PCDHA1: variants seen among roughly 807,000 people sequenced by gnomAD.
PCDHA1 encodes protocadherin alpha-1.
In PCDHA1, 42 loss-of-function variants were observed where a neutral mutation model predicts 61.3. The observed-to-expected ratio is 0.69, with a 90% CI of 0.54 to 0.89. PCDHA1 has a LOEUF of 0.89. PCDHA1 is among the 40% of genes least tolerant of loss of function. PCDHA1 has a pLI of 0.00. For synonymous variants in PCDHA1, 610 were observed against 553.8 expected (o/e 1.10, Z -1.43); for missense variants, 1,256 against 1,235.3 (o/e 1.02, Z -0.25).
intron 1 of PCDHA1, chr5:140,883,386 G>C (rs1554177993): frequency 6.2e-7 from 1 of 1,614,138 alleles, no homozygotes; most frequent in South Asian, 1.1e-5. Context: ...GCCCTAATCA[G>C]TGTGTCCGAT....
At chr5:140,802,205 T>G (rs1167660688) in intron 1 of PCDHA1, 1 of 1,614,222 alleles carries the variant, frequency 6.2e-7, no homozygotes, top group Admixed American at 1.7e-5. Flanking sequence ...ACTGCACAGT[T>G]CTACTCGAAA....
At chr5:140,883,511 C>A in intron 1 of PCDHA1, 2 of 1,614,186 alleles carry the variant, frequency 1.2e-6, no homozygotes, top group Middle Eastern at 1.7e-4. Context: ...CGCCCTGGAC[C>A]GCGAGAGCGT....
chr5:140,815,832 G>A (rs1406365317), intron 1 of PCDHA1: 1 of 152,124 alleles, frequency 6.6e-6, no homozygotes, highest in Non-Finnish European at 1.5e-5. Flanking sequence ...CATTTTTGAA[G>A]ACAAACTTTG....
Position 140,842,580 on chromosome 5 carries a change from C to G in PCDHA1, c.2394+53896C>G. ...GCCCTGGACCGCGAGAGAGTGTCGG[C>G]CTATGAGTTGGTGGTAACCGCGCGG... On this transcript the variant is annotated intron_variant, in intron 1 of 3. Coordinates refer to ENST00000504120, the MANE Select transcript of PCDHA1 (RefSeq NM_018900.4). 1 of 1,517,750 alleles carries G rather than the reference C, an allele frequency of 6.6e-7. No homozygotes were observed. The highest frequency in any genetic ancestry group is 9.0e-7 in the Non-Finnish European group (1 of 1,116,480). The allele number at this position is 1,517,750 out of a possible 1,614,324, so 94.0% of individuals were successfully genotyped here. A position where few individuals can be genotyped will look rare whatever the true frequency, so the allele number is the denominator to read the frequency against.
At chr5:140,824,356 T>C in intron 1 of PCDHA1, 1 of 579,334 alleles carries the variant, frequency 1.7e-6, no homozygotes. Context: ...TAATATTTTA[T>C]ATTAGCATTT....
At chr5:140,871,451 A>T in intron 1 of PCDHA1, 1 of 1,608,630 alleles carries the variant, frequency 6.2e-7, no homozygotes, top group Non-Finnish European at 8.5e-7. Context: ...AATAAAGAGG[A>T]GGAAGGGGAA....
intron 1 of PCDHA1, among the ~76,000 whole-genome samples, chr5:140,949,947 A>G (rs1554219242): frequency 6.6e-6 from 1 of 151,676 alleles, no homozygotes; most frequent in African/African-American, 2.4e-5. Flanking sequence ...TGCATTTTTT[A>G]GTGGTTGCTG....
In PCDHA1 at chr5:140,802,881, G is replaced by A. The variant is rs190722768; in HGVS notation, c.2394+14197G>A. 22 of 1,613,772 alleles carry A rather than the reference G, an allele frequency of 1.4e-5. No individual in the cohort carries two copies. In the Admixed American group the frequency reaches 3.3e-4, roughly 24 times the overall value. ...GTTCGTGCTGGACGAGAACGACAAC[G>A]CGCCGGCACTGCTGATGCCTCGGGT... On this transcript the variant is annotated intron_variant, in intron 1 of 3. Coordinates refer to ENST00000504120, the MANE Select transcript of PCDHA1 (RefSeq NM_018900.4).
At chr5:140,867,166 G>T (rs773226125) in intron 1 of PCDHA1, 1 of 152,006 alleles carries the variant, frequency 6.6e-6, no homozygotes, top group Non-Finnish European at 1.5e-5. Context: ...ACCTTCTAAG[G>T]TTCATTTCCC....
intron 1 of PCDHA1, chr5:140,884,750 A>T (rs1032518651): frequency 8.1e-5 from 116 of 1,431,120 alleles, no homozygotes; most frequent in Non-Finnish European, 1.2e-5. Context: ...TGCCAATTTC[A>T]AATTATTCTT....
intron 1 of PCDHA1, chr5:140,877,631 C>T: frequency 6.2e-7 from 1 of 1,613,768 alleles, no homozygotes; most frequent in Non-Finnish European, 8.5e-7. Context: ...CTGTACACTG[C>T]GCTGCGTTGC....
rs2096830713 is a variant in PCDHA1 at position 140,978,969 on chromosome 5, C to G, written c.2415C>G (p.Asp805Glu). 4 of 1,614,092 alleles carry G rather than the reference C, an allele frequency of 2.5e-6. No homozygotes were observed. The highest frequency in any genetic ancestry group is 1.6e-4 in the Middle Eastern group (1 of 6,084). ...TGCAGCCACGACAGCCCAACCCTGACTGGCGTTACTCTGCCTCCCTGAGAG... is the reference window on the plus strand; with the variant it reads ...TGCAGCCACGACAGCCCAACCCTGAGTGGCGTTACTCTGCCTCCCTGAGAG... ...LSGNPRQPNP[D>E]WRYSASLRAG... The change falls in exon 2 of 4, where the codon GAC becomes GAG. Residue 805 changes from aspartate (D) to glutamate (E), a missense_variant. Coordinates refer to ENST00000504120, the MANE Select transcript of PCDHA1 (RefSeq NM_018900.4).
chr5:140,877,850 A>C (rs782804856), intron 1 of PCDHA1: 1 of 1,546,004 alleles, frequency 6.5e-7, no homozygotes, highest in South Asian at 1.3e-5. Context: ...GTAAGTTATT[A>C]ATATTATTTA....
At chr5:140,828,645 A>T in intron 1 of PCDHA1, 1 of 1,614,224 alleles carries the variant, frequency 6.2e-7, no homozygotes, top group South Asian at 1.1e-5. Flanking sequence ...GTGAAAATAA[A>T]CAGTGATGAC....
At chr5:140,816,096 C>T (rs1025590199) in intron 1 of PCDHA1, 1 of 152,092 alleles carries the variant, frequency 6.6e-6, no homozygotes, top group African/African-American at 2.4e-5. Flanking sequence ...GCTGTCTGTC[C>T]TTTTCTCTTA....
intron 1 of PCDHA1, chr5:140,930,059 A>G (rs1486359495): frequency 6.6e-6 from 1 of 152,200 alleles, no homozygotes; most frequent in Non-Finnish European, 1.5e-5. Flanking sequence ...TTGCTTACAC[A>G]AAAACTGTAA....
Position 140,787,994 on chromosome 5 carries a change from T to TGCTTGG in PCDHA1, c.1704_1705insGCTTGG (p.Pro568_Arg569insAlaTrp). On this transcript the variant is annotated inframe_insertion, in exon 1 of 4. Coordinates refer to ENST00000504120, the MANE Select transcript of PCDHA1 (RefSeq NM_018900.4). Reference sequence around the variant, plus strand: ...ACAACGCGCCGGCGCTGCTGGCGCCTCGAGTGGGTGGCACTATTGGTGCAG... The same window carrying TGCTTGG: ...ACAACGCGCCGGCGCTGCTGGCGCCTGCTTGGCGAGTGGGTGGCACTATTGGTGCAG... 1.2e-6 allele frequency: 2 copies of TGCTTGG among 1,613,954 alleles called. No homozygotes were observed. The highest frequency in any genetic ancestry group is 1.7e-6 in the Non-Finnish European group (2 of 1,179,880).
chr5:140,858,401 G>T (rs2045390262), intron 1 of PCDHA1: 2 of 1,572,406 alleles, frequency 1.3e-6, no homozygotes, highest in Admixed American at 1.8e-5. Flanking sequence ...TGTGGACGGG[G>T]AAGATCAGTC....
intron 2 of PCDHA1, among the ~76,000 whole-genome samples, chr5:140,981,831 G>A (rs2096952818): frequency 6.6e-6 from 1 of 152,006 alleles, no homozygotes; most frequent in African/African-American, 2.4e-5. Flanking sequence ...TGCCTCTAAA[G>A]GTCTCCCAGT....
Sources: gnomAD v4.1 joint callset for allele counts (sites outside exome capture counted in the v4.1 genomes callset) on GRCh38, gnomAD v4.1.1 for gene constraint, MANE v1.5 for transcripts, NCBI Gene and HGNC (gene_info 2026-07-23, HGNC 2026-07-21) for gene names.